The following LMNTD1 variants were observed in gnomAD, a reference collection of about 807,000 sequenced individuals.
LMNTD1 encodes lamin tail domain-containing protein 1.
A neutral mutation model predicts 50.9 loss-of-function variants in LMNTD1; 35 were observed. That is an observed-to-expected ratio of 0.69 (90% CI 0.53 to 0.91). The LOEUF (loss-of-function observed/expected upper bound fraction) is 0.91, where lower values mean the gene tolerates loss of function less well. Ranked by LOEUF, LMNTD1 falls within the 40% of genes least tolerant of loss-of-function variation. The pLI is 0.00. For missense variants in LMNTD1, 470 were observed against 475.5 expected, an observed-to-expected ratio of 0.99 and a Z score of 0.11; for synonymous variants, 153 against 161.9, an observed-to-expected ratio of 0.94 and a Z score of 0.42.
chr12:25,569,154 A>G (rs1201235015), intron 1 of LMNTD1, among the ~76,000 whole-genome samples: 10 of 152,142 alleles, frequency 6.6e-5, no homozygotes, highest in Admixed American at 5.9e-4. Flanking sequence ...CGGCAAAGCC[A>G]TGGAGGCAGA....
chr12:25,593,329 C>G (rs1388923273), intron 1 of LMNTD1, among the ~76,000 whole-genome samples: 1 of 152,200 alleles, frequency 6.6e-6, no homozygotes, highest in Admixed American at 6.5e-5. Context: ...CCACCTCCAC[C>G]AGAACAGGTG....
At chr12:25,576,359 CCTGA>C (rs1443454495) in intron 1 of LMNTD1, among the ~76,000 whole-genome samples, 1 of 152,162 alleles carries the variant, frequency 6.6e-6, no homozygotes, top group African/African-American at 2.4e-5. Context: ...CTTGTTGTTT[CCTGA>C]CTTTTTAATG....
Position 25,577,660 on chromosome 12 carries a change from T to C in LMNTD1, c.59-31106A>G, listed in dbSNP as rs543434830. 2.9e-4 allele frequency among the ~76,000 whole-genome samples: 44 copies of C among 152,316 alleles called. No homozygotes were observed. The Middle Eastern group carries it at 0.014, about 47-fold the overall frequency. ...ACAATTTGACTTCCTCTTTTCCTAA[T>C]TGAATACACTTTATTTCTTTCTCCT... On this transcript the variant is annotated intron_variant, in intron 1 of 7. Coordinates refer to the LMNTD1 transcript ENST00000445693.
intron 9 of LMNTD1, among the ~76,000 whole-genome samples, chr12:25,479,658 T>C (rs1382524873): frequency 6.6e-6 from 1 of 152,210 alleles, no homozygotes; most frequent in Non-Finnish European, 1.5e-5. Context: ...ACCATGACGG[T>C]GGATAAGGCC....
chr12:25,527,681 T>TATACAC (rs1463259109), intron 4 of LMNTD1, among the ~76,000 whole-genome samples: 26 of 32,290 alleles, frequency 8.1e-4, no homozygotes, highest in African/African-American at 2.6e-3. Flanking sequence ...TATATATATA[T>TATACAC]ACACACACAC....
intron 1 of LMNTD1, among the ~76,000 whole-genome samples, chr12:25,569,938 G>T (rs2136347196): frequency 6.6e-6 from 1 of 152,260 alleles, no homozygotes; most frequent in African/African-American, 2.4e-5. Context: ...AGCAATGCAA[G>T]AACAGCCTAA....
At chr12:25,507,456 C>T (rs1939886101) in intron 8 of LMNTD1, among the ~76,000 whole-genome samples, 1 of 152,234 alleles carries the variant, frequency 6.6e-6, no homozygotes, top group African/African-American at 2.4e-5. Context: ...GGCTCAGACA[C>T]AGATCCAACT....
chr12:25,604,177 C>T lies in LMNTD1; in HGVS notation c.58+44317G>A, dbSNP rs189448339. ...CAACTTTGTTTAGTTCTATTTTTTACATTATATTGACTTAAAATCCTTTTT... is the reference window on the plus strand; with the variant it reads ...CAACTTTGTTTAGTTCTATTTTTTATATTATATTGACTTAAAATCCTTTTT... On this transcript the variant is annotated intron_variant, in intron 1 of 7. Transcript: ENST00000445693. 2.9e-3 allele frequency among the ~76,000 whole-genome samples: 434 copies of T among 152,176 alleles called. 2 individuals are homozygous for T. Among genetic ancestry groups the T allele is most frequent in the Non-Finnish European group, 2.8e-3 (190 of 67,994 alleles).
At chr12:25,606,799 T>C (rs544707991) in intron 1 of LMNTD1, among the ~76,000 whole-genome samples, 155 of 152,326 alleles carry the variant, frequency 1.0e-3, no homozygotes, top group Non-Finnish European at 2.1e-3. Context: ...TTCTCTTTTT[T>C]TGTTGTGTCT....
chr12:25,573,202 T>G (rs879728096), intron 1 of LMNTD1, among the ~76,000 whole-genome samples: 3 of 152,132 alleles, frequency 2.0e-5, no homozygotes, highest in Admixed American at 6.6e-5. Context: ...TTCACTCCTT[T>G]TCTTATCTTC....
chr12:25,491,232 T>C (rs1283741336), intron 9 of LMNTD1, among the ~76,000 whole-genome samples: 1 of 152,212 alleles, frequency 6.6e-6, no homozygotes, highest in South Asian at 2.1e-4. Flanking sequence ...CAAATGTTGA[T>C]CAAGAGAGTG....
intron 1 of LMNTD1, among the ~76,000 whole-genome samples, chr12:25,602,317 A>G (rs1181930455): frequency 6.6e-6 from 1 of 151,942 alleles, no homozygotes; most frequent in East Asian, 1.9e-4. Context: ...AAAGAAAGAA[A>G]GAAAAAAAAC....
At chr12:25,567,048 A>G (rs1445237107) in intron 1 of LMNTD1, among the ~76,000 whole-genome samples, 1 of 152,196 alleles carries the variant, frequency 6.6e-6, no homozygotes, top group Non-Finnish European at 1.5e-5. Flanking sequence ...TAGGAACAGA[A>G]AAGAGAGTAC....
At chr12:25,503,429 T>C (rs748150188) in intron 9 of LMNTD1, among the ~76,000 whole-genome samples, 2 of 152,220 alleles carry the variant, frequency 1.3e-5, no homozygotes, top group African/African-American at 4.8e-5. Context: ...GAGTTGTTTT[T>C]TGAGTGTTTG....
chr12:25,538,978 G>A (rs1008724952), intron 4 of LMNTD1, among the ~76,000 whole-genome samples: 1 of 150,132 alleles, frequency 6.7e-6, no homozygotes, highest in South Asian at 2.1e-4. Context: ...AGACAAAGAA[G>A]GCCATTACAT....
intron 1 of LMNTD1, among the ~76,000 whole-genome samples, chr12:25,579,411 C>T (rs1046030163): frequency 2.0e-5 from 3 of 152,064 alleles, no homozygotes; most frequent in Admixed American, 2.0e-4. Context: ...GCAAATATCA[C>T]ACCATTTTAT....
intron 1 of LMNTD1, among the ~76,000 whole-genome samples, chr12:25,572,538 A>C (rs1248615896): frequency 6.6e-6 from 1 of 152,214 alleles, no homozygotes; most frequent in Non-Finnish European, 1.5e-5. Context: ...ACCAATCAAC[A>C]AAAAATCCAA....
At chr12:25,574,095 T>G (rs1944902807) in intron 1 of LMNTD1, among the ~76,000 whole-genome samples, 1 of 152,174 alleles carries the variant, frequency 6.6e-6, no homozygotes, top group African/African-American at 2.4e-5. Context: ...CTCTTGTGTT[T>G]ACTAGTTCTT....
chr12:25,533,156 C>CT (rs1942338972), intron 4 of LMNTD1, among the ~76,000 whole-genome samples: 1 of 152,172 alleles, frequency 6.6e-6, no homozygotes, highest in Non-Finnish European at 1.5e-5. Context: ...TATTTGCCTT[C>CT]TTTTTGATAT....
Sources: gnomAD v4.1 joint callset for allele counts (sites outside exome capture counted in the v4.1 genomes callset) on GRCh38, gnomAD v4.1.1 for gene constraint, MANE v1.5 for transcripts, NCBI Gene and HGNC (gene_info 2026-07-23, HGNC 2026-07-21) for gene names.